Variants in AVIL observed in about 807,000 individuals in gnomAD.
AVIL encodes advillin.
In AVIL, 78 loss-of-function variants were observed where a neutral mutation model predicts 109.9. The ratio of observed to expected loss-of-function variants is 0.71; its 90% CI spans 0.59 to 0.86. AVIL has a LOEUF of 0.86. Ranked by LOEUF, AVIL falls within the 40% of genes least tolerant of loss-of-function variation. The pLI is 0.00. For missense variants in AVIL, 892 were observed against 1,016.5 expected, an observed-to-expected ratio of 0.88 and a Z score of 1.67; for synonymous variants, 367 against 379.1, an observed-to-expected ratio of 0.97 and a Z score of 0.37.
chr12:57,803,747 A>G, intron 14 of AVIL, 78 bp from the exon 15 acceptor site: 1 of 1,545,122 alleles, frequency 6.5e-7, no homozygotes, highest in East Asian at 2.3e-5. Context: ...ATCTGAGACT[A>G]ATAACTCAGT....
intron 4 of AVIL, among the ~76,000 whole-genome samples, chr12:57,811,857 A>G (rs948383473): frequency 2.0e-5 from 3 of 152,224 alleles, no homozygotes; most frequent in Non-Finnish European, 4.4e-5. Flanking sequence ...GAACATTATC[A>G]TCAGCCTTCG....
intron 19 of AVIL, 82 bp from the exon 20 acceptor site, chr12:57,798,077 G>A: frequency 2.1e-6 from 2 of 962,280 alleles, no homozygotes; most frequent in South Asian, 1.6e-5. Flanking sequence ...GGAGCAAGAG[G>A]GAGTTCTAGG....
At chr12:57,816,181 ATCCC>A in intron 1 of AVIL, 122 bp from the exon 2 acceptor site, 3 of 737,322 alleles carry the variant, frequency 4.1e-6, no homozygotes, top group Non-Finnish European at 6.6e-6. Flanking sequence ...CTCATGGTGC[ATCCC>A]TGCACCATTT....
In AVIL at chr12:57,808,496, T is replaced by G; in HGVS notation, c.992A>C (p.Asn331Thr). The G allele has an allele frequency of 6.2e-7, 1 of 1,614,190 alleles. No individual in the cohort carries two copies. ...YPSSTNVETV[N>T]DGAESAMFKQ... ...GAACATGGCCGACTCAGCACCATCGTTGACGGTCTCCACATTGGTGCTGCT... is the reference window on the plus strand; with the variant it reads ...GAACATGGCCGACTCAGCACCATCGGTGACGGTCTCCACATTGGTGCTGCT... Residue 331 changes from asparagine (N) to threonine (T), a missense_variant, in exon 10 of 20, where the codon AAC (asparagine) becomes ACC (threonine). Transcript: ENST00000549994.
rs1289828949 is a variant in AVIL at position 57,799,802 on chromosome 12, T to G, written c.2339A>C (p.Lys780Thr). The G allele has an allele frequency of 8.7e-6, 14 of 1,613,922 alleles. No homozygotes were observed. The highest frequency in any genetic ancestry group is 1.1e-5 in the Non-Finnish European group (13 of 1,180,022). The change falls in exon 19 of 20, where the codon AAA becomes ACA. Residue 780 changes from lysine to threonine, a missense_variant. Transcript: ENST00000549994. ...QELPEDVNPA[K>T]KENYLSEQDF... ...GTTCCTTCAGCCACTCACCTCCTTT[T>G]TGGCAGGGTTTACATCCTCAGGCAG... is the stretch of plus-strand genomic sequence containing the variant.
intron 2 of AVIL, 104 bp downstream of exon 2, chr12:57,815,871 C>T: frequency 6.3e-7 from 1 of 1,578,416 alleles, no homozygotes; most frequent in Non-Finnish European, 8.6e-7. Flanking sequence ...CTCCTCAAAC[C>T]ATAGGCTAAG....
Position 57,811,049 on chromosome 12 carries a change from C to T in AVIL, c.417G>A (p.Val139=). The T allele has an allele frequency of 6.2e-7, 1 of 1,614,178 alleles. No homozygotes were observed. The change falls in exon 5 of 20, where the codon GTG becomes GTA. Residue 139 remains valine, a synonymous_variant. Coordinates refer to ENST00000549994, the MANE Select transcript of AVIL (RefSeq NM_006576.4). Reference sequence around the variant, plus strand: ...TAGCCCTGATGTTTCTTTTCCCTTTCACATGTAGCAGCCGCTTCACGTCGT... The same window carrying T: ...TAGCCCTGATGTTTCTTTTCCCTTTTACATGTAGCAGCCGCTTCACGTCGT... ...NTYDVKRLLH[V]KGKRNIRATE... is the part of the protein sequence containing the mutation.
chr12:57,815,761 T>G, intron 2 of AVIL: 1 of 1,447,880 alleles, frequency 6.9e-7, no homozygotes, highest in South Asian at 1.4e-5. Flanking sequence ...GGAGCCCTGT[T>G]CTTCGGGGCT....
intron 2 of AVIL, chr12:57,815,496 T>G: frequency 9.5e-7 from 1 of 1,054,086 alleles, no homozygotes; most frequent in East Asian, 6.6e-5. Context: ...TATGGATTGC[T>G]GGAGCTCACA....
chr12:57,817,993 C>A (rs555258937), intron 1 of AVIL, among the ~76,000 whole-genome samples: 1 of 151,920 alleles, frequency 6.6e-6, no homozygotes, highest in Admixed American at 6.6e-5. Context: ...CCCTTTTGGA[C>A]GGACCCTGAG....
chr12:57,797,753 T>C lies in AVIL; in HGVS notation c.*129A>G. On this transcript the variant is annotated 3_prime_UTR_variant, in exon 20 of 20. Coordinates refer to ENST00000549994, the MANE Select transcript of AVIL (RefSeq NM_006576.4). ...AGAAAAAATGGAGAACATGCCGTGA[T>C]TTGCAGACTCTATTATATCTAAATT... is the stretch of plus-strand genomic sequence containing the variant. 1.3e-6 allele frequency: 1 copy of C among 761,042 alleles called. No individual in the cohort carries two copies. Among genetic ancestry groups the C allele is most frequent in the Non-Finnish European group, 1.9e-6 (1 of 536,818 alleles). 47.1% of individuals were successfully genotyped at this position (761,042 alleles called of 1,614,324 possible).
At chr12:57,806,913 A>G (rs1475365594) in intron 13 of AVIL, among the ~76,000 whole-genome samples, 2 of 152,218 alleles carry the variant, frequency 1.3e-5, no homozygotes, top group Non-Finnish European at 2.9e-5. Context: ...AGCATGTGCC[A>G]TTACGCATTG....
At chr12:57,806,681 A>C in intron 13 of AVIL, 142 bp from the exon 14 acceptor site, 1 of 852,752 alleles carries the variant, frequency 1.2e-6, no homozygotes, top group Middle Eastern at 3.5e-4. Context: ...GGGTCAGGGT[A>C]AGCTGGAGTT....
chr12:57,805,573 G>T (rs1458438547), intron 14 of AVIL, among the ~76,000 whole-genome samples: 3 of 143,076 alleles, frequency 2.1e-5, no homozygotes, highest in Non-Finnish European at 3.1e-5. Context: ...CACTCTTGTT[G>T]CCCAGGCTGG....
chr12:57,808,903 G>C (rs919755827), intron 9 of AVIL: 11 of 247,638 alleles, frequency 4.4e-5, no homozygotes, highest in Non-Finnish European at 7.1e-5. Flanking sequence ...ACAAATATAA[G>C]CTCCTTGAGG....
chr12:57,809,086 C>T (rs537540615), intron 9 of AVIL: 1 of 166,080 alleles, frequency 6.0e-6, no homozygotes, highest in African/African-American at 2.4e-5. Flanking sequence ...CTGCAGCCTC[C>T]CGGGTTCAAG....
At chr12:57,798,905 G>A (rs537580750) in intron 19 of AVIL, among the ~76,000 whole-genome samples, 4 of 152,208 alleles carry the variant, frequency 2.6e-5, no homozygotes, top group East Asian at 1.9e-4. Context: ...ATGAGCCACC[G>A]TGCCCGGCCA....
At chr12:57,808,997 T>C in intron 9 of AVIL, 1 of 176,300 alleles carries the variant, frequency 5.7e-6, no homozygotes, top group Non-Finnish European at 1.2e-5. Context: ...TGCCAAGAAC[T>C]GTTCTGAGTG....
chr12:57,809,870 T>C lies in AVIL; in HGVS notation c.782A>G (p.Gln261Arg). ...MLYHISDSAG[Q>R]LAVTEVATRP... ...TGTTGCTACCTCTGTGACTGCCAGC[T>C]GCCCAGCTGAATCTGAGATACTGGA... Residue 261 changes from glutamine to arginine, a missense_variant, in exon 8 of 20, where the codon CAG becomes CGG. Physicochemically the swap from Gln to Arg is conservative, Grantham distance 43 (BLOSUM62 1). Transcript: ENST00000549994. 2 of 1,614,232 alleles carry C rather than the reference T, an allele frequency of 1.2e-6. No homozygotes were observed. The highest frequency in any genetic ancestry group is 8.5e-7 in the Non-Finnish European group (1 of 1,180,040).
Sources: gnomAD v4.1 joint callset for allele counts (sites outside exome capture counted in the v4.1 genomes callset) on GRCh38, gnomAD v4.1.1 for gene constraint, MANE v1.5 for transcripts, NCBI Gene and HGNC (gene_info 2026-07-23, HGNC 2026-07-21) for gene names.